FRAS1: variants seen among roughly 807,000 people sequenced by gnomAD.
FRAS1 encodes the protein Fraser extracellular matrix complex subunit 1.
FRAS1 carries 290 observed loss-of-function variants against 435.2 expected under a neutral mutation model. The ratio of observed to expected loss-of-function variants is 0.67; its 90% confidence interval spans 0.61 to 0.73. FRAS1 has a LOEUF of 0.73. Ranked by LOEUF, FRAS1 falls within the 30% of genes least tolerant of loss-of-function variation. The pLI, the probability that FRAS1 is intolerant of heterozygous loss-of-function variation, is 0.00. For missense variants in FRAS1, 4,860 were observed against 5,001.5 expected, an observed-to-expected ratio of 0.97 and a Z score of 0.85; for synonymous variants, 1,800 against 1,851.0, an observed-to-expected ratio of 0.97 and a Z score of 0.71.
intron 2 of FRAS1, among the ~76,000 whole-genome samples, chr4:78,234,288 C>T (rs1366198289): frequency 5.3e-5 from 8 of 152,020 alleles, no homozygotes; most frequent in Admixed American, 1.3e-4. Context: ...TGCAGTGGCG[C>T]GATCTTGGCT....
At chr4:78,331,218 TA>T (rs1227415784) in intron 18 of FRAS1, among the ~76,000 whole-genome samples, 2 of 152,182 alleles carry the variant, frequency 1.3e-5, no homozygotes, top group Non-Finnish European at 2.9e-5. Context: ...TATCATATAG[TA>T]AAAAATACTC....
At chr4:78,418,920 G>T in intron 32 of FRAS1, 29 bp from the exon 33 acceptor site, 1 of 1,357,422 alleles carries the variant, frequency 7.4e-7, no homozygotes, top group Non-Finnish European at 1.0e-6. Context: ...CATACCATGT[G>T]TTCCTCTTCC....
At chr4:78,387,238 C>T in intron 28 of FRAS1, 137 bp from the exon 29 acceptor site, 1 of 600,304 alleles carries the variant, frequency 1.7e-6, no homozygotes, top group Non-Finnish European at 2.9e-6. Context: ...CGAATGTGTT[C>T]ACCATAGAAC....
Position 78,519,470 on chromosome 4 carries a change from T to G in FRAS1, c.10529T>G (p.Leu3510Arg). 6.2e-7 allele frequency: 1 copy of G among 1,610,354 alleles called. No individual in the cohort carries two copies. Residue 3510 changes from leucine to arginine, a missense_variant, in exon 67 of 74, where the codon CTC (leucine) becomes CGC (arginine). Transcript: ENST00000512123. Reference protein sequence around the residue: ...MEFSFFYDTVLWRTGIQTDSV... With the variant: ...MEFSFFYDTVRWRTGIQTDSV... Reference sequence around the variant, plus strand: ...TTTTCTTTCTTCTATGACACTGTTCTCTGGAGAACAGGTATGCCCACTGAC... The same window carrying G: ...TTTTCTTTCTTCTATGACACTGTTCGCTGGAGAACAGGTATGCCCACTGAC...
chr4:78,228,436 G>A (rs1038146386), intron 2 of FRAS1, among the ~76,000 whole-genome samples: 8 of 152,122 alleles, frequency 5.3e-5, no homozygotes, highest in African/African-American at 1.9e-4. Flanking sequence ...TAGAACAAGT[G>A]GAAAACTGGG....
intron 20 of FRAS1, among the ~76,000 whole-genome samples, chr4:78,338,205 C>T (rs1053738390): frequency 1.3e-5 from 2 of 152,036 alleles, no homozygotes; most frequent in African/African-American, 2.4e-5. Context: ...TCTTTGCCAT[C>T]AGCCCCAGAC....
rs1446432716 is a variant in FRAS1 at position 78,331,077 on chromosome 4, A to T, written c.2138-2195A>T. 2.6e-5 allele frequency among the ~76,000 whole-genome samples: 4 copies of T among 152,220 alleles called. No homozygotes were observed. In the East Asian group the frequency reaches 7.7e-4, roughly 29 times the overall value. On this transcript the variant is annotated intron_variant, in intron 18 of 73. Coordinates refer to ENST00000512123, the MANE Select transcript of FRAS1 (RefSeq NM_025074.7). The stretch of plus-strand genomic sequence containing the variant: ...TTCTCAAGCTGGCCGATGCTTAAGG[A>T]AAATAGAAAAGAACCTATGTGAATA...
chr4:78,188,990 A>T (rs1722409920), intron 2 of FRAS1, among the ~76,000 whole-genome samples: 1 of 152,192 alleles, frequency 6.6e-6, no homozygotes, highest in South Asian at 2.1e-4. Flanking sequence ...CTAATTAATT[A>T]TGTCCAGGTG....
At chr4:78,290,321 T>G (rs1450186751) in intron 14 of FRAS1, among the ~76,000 whole-genome samples, 2 of 152,242 alleles carry the variant, frequency 1.3e-5, no homozygotes, top group South Asian at 2.1e-4. Flanking sequence ...GATAGAGCCA[T>G]GTGTACTGCA....
At chr4:78,175,708 G>A (rs959511345) in intron 2 of FRAS1, among the ~76,000 whole-genome samples, 2 of 152,198 alleles carry the variant, frequency 1.3e-5, no homozygotes, top group African/African-American at 4.8e-5. Flanking sequence ...TACAGGAATT[G>A]TGGCTTCAGA....
At chr4:78,067,724 G>A (rs545839746) in intron 2 of FRAS1, among the ~76,000 whole-genome samples, 2 of 114,544 alleles carry the variant, frequency 1.7e-5, no homozygotes, top group South Asian at 5.1e-4. Flanking sequence ...TGTAAGATAG[G>A]GTCTCGCTCT....
At chr4:78,478,433 T>A (rs1320453778) in intron 55 of FRAS1, among the ~76,000 whole-genome samples, 1 of 152,248 alleles carries the variant, frequency 6.6e-6, no homozygotes, top group Non-Finnish European at 1.5e-5. Context: ...GCTTTCCATC[T>A]TATTCTTGGA....
intron 57 of FRAS1, 76 bp from the exon 58 acceptor site, chr4:78,482,312 G>T: frequency 6.6e-7 from 1 of 1,525,964 alleles, no homozygotes; most frequent in Non-Finnish European, 9.1e-7. Context: ...GGCAAGTTGT[G>T]ACCTTTGCCC....
Position 78,282,923 on chromosome 4 carries a change from T to C in FRAS1, c.1211T>C (p.Leu404Pro). ...TGCCCACCATGTCCAGTGGGCACACTGGCCTTAGAGGTGAAGGGACAGTGC... is the reference window on the plus strand; with the variant it reads ...TGCCCACCATGTCCAGTGGGCACACCGGCCTTAGAGGTGAAGGGACAGTGC... ...PSCPPCPVGT[L>P]ALEVKGQCCP... Residue 404 changes from leucine (L) to proline (P), a missense_variant, in exon 12 of 74, where the codon CTG (leucine) becomes CCG (proline). Coordinates refer to ENST00000512123, the MANE Select transcript of FRAS1 (RefSeq NM_025074.7). The C allele has an allele frequency of 6.2e-7, 1 of 1,610,328 alleles. No individual in the cohort carries two copies.
At chr4:78,460,357 T>C (rs1719332448) in intron 47 of FRAS1, among the ~76,000 whole-genome samples, 1 of 152,232 alleles carries the variant, frequency 6.6e-6, no homozygotes, top group African/African-American at 2.4e-5. Flanking sequence ...AGCAGGTTAG[T>C]GATTGAAAAC....
chr4:78,417,959 G>A (rs1273256509), intron 32 of FRAS1, among the ~76,000 whole-genome samples: 1 of 152,214 alleles, frequency 6.6e-6, no homozygotes, highest in Non-Finnish European at 1.5e-5. Context: ...CCCCAGCTCA[G>A]GCTAGTTTCC....
At chr4:78,442,903 T>G (rs1481744347) in intron 41 of FRAS1, among the ~76,000 whole-genome samples, 1 of 152,188 alleles carries the variant, frequency 6.6e-6, no homozygotes, top group Non-Finnish European at 1.5e-5. Flanking sequence ...GAACTGCTGC[T>G]CTACAATAAT....
At chr4:78,190,620 C>T (rs564868171) in intron 2 of FRAS1, among the ~76,000 whole-genome samples, 1 of 148,640 alleles carries the variant, frequency 6.7e-6, no homozygotes, top group Non-Finnish European at 1.5e-5. Context: ...ACACCCCTTC[C>T]CTTCCCTTCC....
chr4:78,117,745 A>AG (rs1363655760), intron 2 of FRAS1, among the ~76,000 whole-genome samples: 1 of 152,188 alleles, frequency 6.6e-6, no homozygotes, highest in Non-Finnish European at 1.5e-5. Context: ...TTTTTTTTCA[A>AG]GGTTTTTAAC....
Sources: gnomAD v4.1 joint callset for allele counts (sites outside exome capture counted in the v4.1 genomes callset) on GRCh38, gnomAD v4.1.1 for gene constraint, MANE v1.5 for transcripts, NCBI Gene and HGNC (gene_info 2026-07-23, HGNC 2026-07-21) for gene names.